Variants in ATP11A observed in about 807,000 individuals in gnomAD.
ATP11A encodes phospholipid-transporting ATPase IH.
ATP11A carries 81 observed loss-of-function variants against 154.4 expected under a neutral mutation model. That is an observed-to-expected ratio of 0.52 (90% CI 0.44 to 0.63). The LOEUF is 0.63. Ranked by LOEUF, ATP11A falls within the 30% of genes least tolerant of loss-of-function variation. The pLI, the probability that ATP11A is intolerant of heterozygous loss-of-function variation, is 0.00. For missense variants in ATP11A, 1,316 were observed against 1,474.3 expected, an observed-to-expected ratio of 0.89 and a Z score of 1.76; for synonymous variants, 623 against 585.9, an observed-to-expected ratio of 1.06 and a Z score of -0.91.
intron 1 of ATP11A, among the ~76,000 whole-genome samples, chr13:112,765,030 C>G (rs1425260675): frequency 1.3e-5 from 2 of 152,206 alleles, no homozygotes; most frequent in African/African-American, 2.4e-5. Flanking sequence ...GCTTTTCTTG[C>G]AAGTCCTTTG....
intron 1 of ATP11A, among the ~76,000 whole-genome samples, chr13:112,776,856 C>A (rs1416783749): frequency 6.6e-6 from 1 of 152,204 alleles, no homozygotes; most frequent in Non-Finnish European, 1.5e-5. Context: ...CTTGGCCTCC[C>A]AGAGTGCTGG....
At chr13:112,847,962 A>G (rs972787650) in intron 17 of ATP11A, among the ~76,000 whole-genome samples, 1 of 152,186 alleles carries the variant, frequency 6.6e-6, no homozygotes, top group Non-Finnish European at 1.5e-5. Flanking sequence ...GTGGAGGCAC[A>G]CATCTGTGGT....
At chr13:112,732,333 T>A (rs927015041) in intron 1 of ATP11A, among the ~76,000 whole-genome samples, 5 of 152,084 alleles carry the variant, frequency 3.3e-5, no homozygotes, top group Admixed American at 2.0e-4. Context: ...CTAAAAGAAA[T>A]AATGTGTTGT....
chr13:112,692,264 C>A (rs374895347), intron 1 of ATP11A, among the ~76,000 whole-genome samples: 1 of 152,204 alleles, frequency 6.6e-6, no homozygotes, highest in Non-Finnish European at 1.5e-5. Context: ...CAGTTCATTC[C>A]GTTCCCTTCT....
At chr13:112,766,083 G>A (rs1318535550) in intron 1 of ATP11A, among the ~76,000 whole-genome samples, 1 of 152,050 alleles carries the variant, frequency 6.6e-6, no homozygotes, top group Non-Finnish European at 1.5e-5. Context: ...GTGCCCACCT[G>A]CTTGAGGAAG....
intron 10 of ATP11A, 38 bp from the exon 11 acceptor site, chr13:112,825,392 C>T: frequency 1.3e-6 from 2 of 1,565,920 alleles, no homozygotes. Context: ...AGCTCATTTC[C>T]TCAGGGACCA....
chr13:112,749,175 C>G (rs1347696082), intron 1 of ATP11A, among the ~76,000 whole-genome samples: 1 of 152,204 alleles, frequency 6.6e-6, no homozygotes, highest in Non-Finnish European at 1.5e-5. Context: ...GATGCGCCTC[C>G]ATCTCCGCAC....
chr13:112,728,080 TGA>T (rs1890069773), intron 1 of ATP11A, among the ~76,000 whole-genome samples: 1 of 152,190 alleles, frequency 6.6e-6, no homozygotes, highest in Non-Finnish European at 1.5e-5. Flanking sequence ...TATGGGGCCT[TGA>T]GGTCTGTGCA....
chr13:112,789,891 C>G lies in ATP11A; in HGVS notation c.162+4634C>G, dbSNP rs189097511. On this transcript the variant is annotated intron_variant, in intron 2 of 29. Coordinates refer to ENST00000375645, the MANE Select transcript of ATP11A (RefSeq NM_015205.3). The stretch of plus-strand genomic sequence containing the variant: ...ACACCGGTGTCCTGATGTGTAGACC[C>G]CTGTGGAGACCTACTTAATTCACAC... 3.4e-4 allele frequency among the ~76,000 whole-genome samples: 51 copies of G among 151,048 alleles called. No individual in the cohort carries two copies. The East Asian group carries it at 9.9e-3, about 29-fold the overall frequency.
chr13:112,855,860 A>C, intron 19 of ATP11A, 51 bp from the exon 20 acceptor site: 3 of 1,513,094 alleles, frequency 2.0e-6, no homozygotes, highest in Non-Finnish European at 2.7e-6. Flanking sequence ...GTCTTCTAAA[A>C]TCTATAGATT....
intron 17 of ATP11A, among the ~76,000 whole-genome samples, chr13:112,846,632 A>T (rs570093099): frequency 6.6e-6 from 1 of 152,270 alleles, no homozygotes; most frequent in South Asian, 2.1e-4. Context: ...CCAGCTCTGG[A>T]CCAGCCACAG....
intron 4 of ATP11A, among the ~76,000 whole-genome samples, chr13:112,809,875 C>G (rs1030862357): frequency 5.3e-5 from 8 of 152,190 alleles, no homozygotes; most frequent in Admixed American, 4.6e-4. Context: ...GAGGGTGTGC[C>G]TTCGTAGTTG....
intron 1 of ATP11A, among the ~76,000 whole-genome samples, chr13:112,735,361 C>T (rs1890892929): frequency 6.6e-6 from 1 of 152,168 alleles, no homozygotes; most frequent in Non-Finnish European, 1.5e-5. Flanking sequence ...TAGCCTTCCG[C>T]GTGGCTGATG....
At chr13:112,720,598 G>A (rs532952956) in intron 1 of ATP11A, among the ~76,000 whole-genome samples, 9 of 151,984 alleles carry the variant, frequency 5.9e-5, no homozygotes, top group South Asian at 2.1e-4. Flanking sequence ...TCGCTCTGTC[G>A]CCAGGCTGGA....
At chr13:112,699,783 T>C (rs191377319) in intron 1 of ATP11A, among the ~76,000 whole-genome samples, 1 of 152,292 alleles carries the variant, frequency 6.6e-6, no homozygotes, top group Admixed American at 6.5e-5. Context: ...GGAGCCTGTG[T>C]CCCACCTGGC....
intron 1 of ATP11A, among the ~76,000 whole-genome samples, chr13:112,756,066 T>C (rs915161794): frequency 1.3e-5 from 2 of 152,240 alleles, no homozygotes; most frequent in Non-Finnish European, 2.9e-5. Context: ...GAGCAGATTC[T>C]AGAATCATTT....
At chr13:112,703,990 G>C (rs1040570414) in intron 1 of ATP11A, among the ~76,000 whole-genome samples, 1 of 152,156 alleles carries the variant, frequency 6.6e-6, no homozygotes, top group Non-Finnish European at 1.5e-5. Context: ...GTTCACCTGC[G>C]TGTGTGGAGG....
intron 9 of ATP11A, among the ~76,000 whole-genome samples, chr13:112,823,885 A>G (rs1180703702): frequency 6.6e-6 from 1 of 152,200 alleles, no homozygotes; most frequent in East Asian, 1.9e-4. Flanking sequence ...CGGATGCCCA[A>G]GGCCCTATTT....
chr13:112,846,919 C>T (rs913769799), intron 17 of ATP11A, among the ~76,000 whole-genome samples: 26 of 152,220 alleles, frequency 1.7e-4, no homozygotes, highest in Non-Finnish European at 3.7e-4. Flanking sequence ...GTGGCCATGC[C>T]TCCTGGCAGC....
Sources: gnomAD v4.1 joint callset for allele counts (sites outside exome capture counted in the v4.1 genomes callset) on GRCh38, gnomAD v4.1.1 for gene constraint, MANE v1.5 for transcripts, NCBI Gene and HGNC (gene_info 2026-07-23, HGNC 2026-07-21) for gene names.